Variants in CBX3 observed in about 807,000 individuals in gnomAD.
CBX3 encodes chromobox 3.
In CBX3, 5 loss-of-function variants were observed where a neutral mutation model predicts 22.6. The observed-to-expected ratio is 0.22, with a 90% confidence interval of 0.12 to 0.47. The LOEUF is 0.47. Ranked by LOEUF, CBX3 falls within the 20% of genes least tolerant of loss-of-function variation. CBX3 has a pLI of 0.99. For synonymous variants in CBX3, 50 were observed against 66.6 expected, an observed-to-expected ratio of 0.75 and a Z score of 1.21; for missense variants, 83 against 208.1, an observed-to-expected ratio of 0.40 and a Z score of 3.70.
intron 4 of CBX3, among the ~76,000 whole-genome samples, chr7:26,209,752 G>A (rs1345503749): frequency 6.6e-6 from 1 of 152,150 alleles, no homozygotes; most frequent in Non-Finnish European, 1.5e-5. Context: ...ACCCTTGATT[G>A]TAAAACAGAT....
intron 4 of CBX3, among the ~76,000 whole-genome samples, chr7:26,210,975 T>C (rs1310006889): frequency 2.0e-5 from 3 of 151,924 alleles, no homozygotes; most frequent in African/African-American, 7.3e-5. Flanking sequence ...TTAAGTACTT[T>C]CTAGCGCAGG....
At chr7:26,212,056 C>CT in intron 5 of CBX3, 26 bp from the exon 6 acceptor site, 4 of 1,469,752 alleles carry the variant, frequency 2.7e-6, no homozygotes, top group Non-Finnish European at 3.6e-6. Context: ...CGACTTGTAA[C>CT]TGAATTTTTC....
chr7:26,201,755 G>A lies in CBX3; in HGVS notation c.-100G>A, dbSNP rs1562737991. On this transcript the variant is annotated 5_prime_UTR_variant, in exon 1 of 6. An upstream open reading frame in the 5' UTR gains an earlier in-frame stop. Transcript: ENST00000396386. ...CCCGGCTCCCTCCCCCTTCGGATGT[G>A]GCTTGAGCTGTAGGCGCGGAGGGCC... 3.8e-6 allele frequency: 1 copy of A among 260,992 alleles called. No homozygotes were observed. The highest frequency in any genetic ancestry group is 4.9e-5 in the Admixed American group (1 of 20,474). The allele number at this position is 260,992 out of a possible 1,614,324, so 16.2% of individuals were successfully genotyped here.
rs1224140531 is a variant in CBX3, at chr7:26,202,995, A to C, written c.-4A>C. 2 of 1,608,960 alleles carry C rather than the reference A, an allele frequency of 1.2e-6. No homozygotes were observed. Among genetic ancestry groups the C allele is most frequent in the Middle Eastern group, 1.7e-4 (1 of 6,008 alleles). On this transcript the variant is annotated 5_prime_UTR_variant, in exon 2 of 6. Coordinates refer to ENST00000396386, the MANE Select transcript of CBX3 (RefSeq NM_016587.4). ...GTAATAGCTCTTCAAGTCTGCAATA[A>C]AAAATGGCCTCCAACAAAACTACAT... is the stretch of plus-strand genomic sequence containing the variant.
intron 3 of CBX3, among the ~76,000 whole-genome samples, chr7:26,206,852 T>C (rs908328107): frequency 3.3e-5 from 5 of 152,220 alleles, no homozygotes; most frequent in African/African-American, 1.2e-4. Flanking sequence ...GCTAAAAACA[T>C]TGAAGCTTTA....
chr7:26,208,360 TCA>T (rs1562746693), intron 3 of CBX3, 31 bp from the exon 4 acceptor site: 1 of 1,507,908 alleles, frequency 6.6e-7, no homozygotes, highest in Non-Finnish European at 9.0e-7. Flanking sequence ...TTTAATTCAA[TCA>T]CCTTTTTTTT....
intron 3 of CBX3, among the ~76,000 whole-genome samples, chr7:26,207,090 G>GCTTA (rs1784692606): frequency 6.6e-6 from 1 of 152,232 alleles, no homozygotes; most frequent in African/African-American, 2.4e-5. Context: ...GGTTTGTTGT[G>GCTTA]CTTATCTGCT....
intron 2 of CBX3, among the ~76,000 whole-genome samples, chr7:26,205,385 G>A (rs769911973): frequency 6.6e-6 from 1 of 152,128 alleles, no homozygotes; most frequent in Non-Finnish European, 1.5e-5. Context: ...TCACCTTAGG[G>A]AATTAAAATA....
intron 4 of CBX3, 49 bp downstream of exon 4, chr7:26,208,604 T>A: frequency 1.3e-6 from 2 of 1,502,780 alleles, no homozygotes; most frequent in Non-Finnish European, 1.8e-6. Context: ...AAAAGGTTGA[T>A]GGCTTGATTT....
intron 3 of CBX3, among the ~76,000 whole-genome samples, chr7:26,206,939 TAAG>T (rs1480202476): frequency 6.6e-6 from 1 of 152,248 alleles, no homozygotes; most frequent in Non-Finnish European, 1.5e-5. Flanking sequence ...TCCTTATACC[TAAG>T]AAGTAGAACC....
chr7:26,204,485 C>G (rs1175748717), intron 2 of CBX3, among the ~76,000 whole-genome samples: 1 of 152,150 alleles, frequency 6.6e-6, no homozygotes, highest in East Asian at 1.9e-4. Context: ...AATCATAACA[C>G]CTGACTTAGA....
intron 2 of CBX3, 43 bp downstream of exon 2, chr7:26,203,065 GT>G (rs752263336): frequency 4.1e-6 from 6 of 1,450,058 alleles, no homozygotes; most frequent in Admixed American, 1.7e-5. Context: ...TTTAACTCAA[GT>G]TTTTTTTCCC....
chr7:26,203,607 AT>A (rs540128293), intron 2 of CBX3, among the ~76,000 whole-genome samples: 7 of 150,602 alleles, frequency 4.6e-5, no homozygotes, highest in African/African-American at 7.3e-5. Context: ...AAAAGGCTAG[AT>A]TTTTTTTTTA....
At chr7:26,207,504 G>A (rs1350785282) in intron 3 of CBX3, among the ~76,000 whole-genome samples, 1 of 152,080 alleles carries the variant, frequency 6.6e-6, no homozygotes, top group African/African-American at 2.4e-5. Context: ...CAGTGTAACA[G>A]GTAATGTAAA....
At chr7:26,209,341 T>TGCTCATG (rs1450444818) in intron 4 of CBX3, among the ~76,000 whole-genome samples, 7 of 152,236 alleles carry the variant, frequency 4.6e-5, no homozygotes, top group African/African-American at 1.7e-4. Flanking sequence ...GTGCAGTAAG[T>TGCTCATG]GCTCATGCCA....
At chr7:26,208,048 T>TA (rs571628520) in intron 3 of CBX3, 5,129 of 142,450 alleles carry the variant, frequency 0.036, 80 homozygotes, top group Middle Eastern at 0.046. Context: ...CCTTCTCTAT[T>TA]AAAAAAAAAA....
rs1342374521 is a variant in CBX3 at position 26,213,087 on chromosome 7, A to G, written c.*879A>G. 1 of 152,404 alleles carries G rather than the reference A, an allele frequency of 6.6e-6. No homozygotes were observed. The highest frequency in any genetic ancestry group is 2.4e-5 in the African/African-American group (1 of 41,486). The allele number at this position is 152,404 out of a possible 1,614,324, so 9.4% of individuals were successfully genotyped here. A position where few individuals can be genotyped will look rare whatever the true frequency, so the allele number is the denominator to read the frequency against. On this transcript the variant is annotated 3_prime_UTR_variant, in exon 6 of 6. Coordinates refer to ENST00000396386, the MANE Select transcript of CBX3 (RefSeq NM_016587.4). Reference sequence around the variant, plus strand: ...TGTAAGACTTGGCTCATAGAAACCTAATCAGATGGTTAGAGGTGTTGGCAG... The same window carrying G: ...TGTAAGACTTGGCTCATAGAAACCTGATCAGATGGTTAGAGGTGTTGGCAG...
intron 5 of CBX3, 42 bp from the exon 6 acceptor site, chr7:26,212,040 C>A: frequency 6.8e-7 from 1 of 1,466,762 alleles, no homozygotes; most frequent in East Asian, 2.5e-5. Context: ...TTGACATGAA[C>A]AACTTCGACT....
At chr7:26,208,237 G>GT (rs1784724437) in intron 3 of CBX3, 156 bp from the exon 4 acceptor site, 1 of 500,518 alleles carries the variant, frequency 2.0e-6, no homozygotes, top group Non-Finnish European at 3.5e-6. Context: ...GAGGCAGGCT[G>GT]GGGGGTGGGG....
Sources: gnomAD v4.1 joint callset for allele counts (sites outside exome capture counted in the v4.1 genomes callset) on GRCh38, gnomAD v4.1.1 for gene constraint, MANE v1.5 for transcripts, NCBI Gene and HGNC (gene_info 2026-07-23, HGNC 2026-07-21) for gene names.